ERO1B: variants seen among roughly 807,000 people sequenced by gnomAD.
ERO1B encodes ERO1-like protein beta.
A neutral mutation model predicts 75.3 loss-of-function variants in ERO1B; 49 were observed. The observed-to-expected ratio is 0.65, with a 90% CI of 0.52 to 0.83. ERO1B has a LOEUF of 0.83. ERO1B is among the 40% of genes least tolerant of loss of function. ERO1B has a pLI of 0.00. For missense variants in ERO1B, 512 were observed against 560.1 expected (o/e 0.91, Z 0.87); for synonymous variants, 191 against 192.9 (o/e 0.99, Z 0.08).
chr1:236,278,787 A>T (rs1285530524), intron 1 of ERO1B, among the ~76,000 whole-genome samples: 1 of 152,228 alleles, frequency 6.6e-6, no homozygotes, highest in East Asian at 1.9e-4. Flanking sequence ...ATGGGGCATG[A>T]GATATACAAA....
intron 9 of ERO1B, among the ~76,000 whole-genome samples, chr1:236,231,127 T>C (rs1664398847): frequency 6.6e-6 from 1 of 152,092 alleles, no homozygotes; most frequent in Non-Finnish European, 1.5e-5. Flanking sequence ...CCAATAAAAC[T>C]AAAAATATTT....
rs559698304 is a variant in ERO1B, at chr1:236,256,635, G to C, written c.223-3130C>G. Among the ~76,000 whole-genome samples the C allele has an allele frequency of 1.1e-4, 16 of 152,014 alleles. 1 individual carries two copies. The highest frequency in any genetic ancestry group is 6.5e-4 in the Admixed American group (10 of 15,270). On this transcript the variant is annotated intron_variant, in intron 2 of 15. Transcript: ENST00000354619. ...CAGATCAGAAGTCTCCCCCTGCTAGGGGGGCATGAGACCTGCTGGCCCAAA... is the reference window on the plus strand; with the variant it reads ...CAGATCAGAAGTCTCCCCCTGCTAGCGGGGCATGAGACCTGCTGGCCCAAA...
At chr1:236,225,272 G>C (rs1400013112) in intron 12 of ERO1B, 133 bp from the exon 13 acceptor site, 2 of 808,168 alleles carry the variant, frequency 2.5e-6, no homozygotes, top group Non-Finnish European at 3.9e-6. Flanking sequence ...TTTTGGTAAT[G>C]TAGAAAAGTG....
chr1:236,268,150 AAG>A (rs1159909410), intron 2 of ERO1B, among the ~76,000 whole-genome samples: 3 of 152,236 alleles, frequency 2.0e-5, no homozygotes, highest in Non-Finnish European at 1.5e-5. Context: ...TGGTGCTGAT[AAG>A]AGAGATGTGT....
intron 1 of ERO1B, among the ~76,000 whole-genome samples, chr1:236,278,184 A>C (rs1388533002): frequency 1.3e-5 from 2 of 152,098 alleles, no homozygotes; most frequent in African/African-American, 4.8e-5. Context: ...AGGGCACACA[A>C]ATTTGGGACT....
intron 2 of ERO1B, among the ~76,000 whole-genome samples, chr1:236,260,897 A>C (rs985171244): frequency 6.6e-5 from 10 of 152,090 alleles, no homozygotes; most frequent in Admixed American, 5.9e-4. Flanking sequence ...GATGAAAAAA[A>C]ATGCAAAAAT....
Position 236,215,960 on chromosome 1 carries a change from A to T in ERO1B, c.*2556T>A, listed in dbSNP as rs1409580210. 7.2e-6 allele frequency: 1 copy of T among 138,548 alleles called. No homozygotes were observed. The highest frequency in any genetic ancestry group is 1.5e-5 in the Non-Finnish European group (1 of 66,516). 8.6% of individuals were successfully genotyped at this position (138,548 alleles called of 1,614,324 possible). A position where few individuals can be genotyped will look rare whatever the true frequency, so the allele number is the denominator to read the frequency against. ...ATATCGAATAATTCACAATGTTAAA[A>T]ATGTCAAAATAAAACGTTTTGACTT... On this transcript the variant is annotated 3_prime_UTR_variant, in exon 16 of 16. Transcript: ENST00000354619.
Position 236,258,179 on chromosome 1 carries a change from G to A in ERO1B, c.223-4674C>T, listed in dbSNP as rs190256528. Among the ~76,000 whole-genome samples, 99 of 131,260 alleles carry A rather than the reference G, an allele frequency of 7.5e-4. 1 individual carries two copies. The highest frequency in any genetic ancestry group is 5.4e-3 in the Middle Eastern group (1 of 184). The allele number at this position is 131,260 out of a possible 152,430, so 86.1% of individuals were successfully genotyped here. A position where few individuals can be genotyped will look rare whatever the true frequency, so the allele number is the denominator to read the frequency against. On this transcript the variant is annotated intron_variant, in intron 2 of 15. Transcript: ENST00000354619. ...AAAAAAAAAACCCAGCCAGATCCAG[G>A]AAGTTCAATGAAAACTTGATAGGAG...
intron 9 of ERO1B, among the ~76,000 whole-genome samples, chr1:236,230,611 C>CAAAAAA (rs397983348): frequency 6.8e-5 from 4 of 58,600 alleles, no homozygotes; most frequent in Non-Finnish European, 9.9e-5. Flanking sequence ...GACCCTGTCT[C>CAAAAAA]AAAAAAAAAA....
intron 2 of ERO1B, among the ~76,000 whole-genome samples, chr1:236,265,047 CT>C (rs35846063): frequency 0.45 from 65,780 of 147,116 alleles, 16,482 homozygotes; most frequent in Middle Eastern, 0.6. Flanking sequence ...ATTTTTTTCT[CT>C]TTTTTTTTTT....
intron 15 of ERO1B, among the ~76,000 whole-genome samples, chr1:236,218,905 A>G (rs1187568145): frequency 6.6e-6 from 1 of 152,108 alleles, no homozygotes; most frequent in Non-Finnish European, 1.5e-5. Context: ...TCTTTACTCA[A>G]TGTTCCCCAA....
At chr1:236,235,632 A>G (rs747463753) in intron 8 of ERO1B, among the ~76,000 whole-genome samples, 157 bp downstream of exon 8, 17 of 152,242 alleles carry the variant, frequency 1.1e-4, no homozygotes, top group Non-Finnish European at 2.1e-4. Context: ...ACATGCCTAG[A>G]GATCTCGAGA....
chr1:236,221,737 G>A, intron 14 of ERO1B, 187 bp downstream of exon 14: 1 of 533,076 alleles, frequency 1.9e-6, no homozygotes, highest in South Asian at 2.7e-5. Flanking sequence ...AATAATATGA[G>A]AAACATCCTT....
At chr1:236,225,821 G>C (rs556465524) in intron 12 of ERO1B, among the ~76,000 whole-genome samples, 1 of 152,234 alleles carries the variant, frequency 6.6e-6, no homozygotes, top group South Asian at 2.1e-4. Flanking sequence ...TGTAATCTCA[G>C]TTACTTAGAA....
At chr1:236,222,079 A>G (rs2463188) in intron 13 of ERO1B, 69 bp from the exon 14 acceptor site, 519,007 of 1,164,042 alleles carry the variant, frequency 0.45, 123,300 homozygotes, top group East Asian at 0.88. Context: ...CTAAACGATA[A>G]GTAAGTTTTG....
rs1364038644 is a variant in ERO1B, at chr1:236,239,809, G to GTATATATA, written c.506-3412_506-3411insTATATATA. Among the ~76,000 whole-genome samples the GTATATATA allele has an allele frequency of 1.2e-3, 56 of 47,208 alleles. 3 individuals carry two copies. Among genetic ancestry groups the GTATATATA allele is most frequent in the Non-Finnish European group, 1.7e-3 (24 of 14,482 alleles). The allele number at this position is 47,208 out of a possible 152,430, so 31.0% of individuals were successfully genotyped here. ...TTCAAGTATATATATATATATATGT[G>GTATATATA]TGTATATATATATGTGTATATATAT... is the stretch of plus-strand genomic sequence containing the variant. On this transcript the variant is annotated intron_variant, in intron 6 of 15. Transcript: ENST00000354619.
chr1:236,273,278 T>C (rs1400796907), intron 1 of ERO1B, among the ~76,000 whole-genome samples: 1 of 152,110 alleles, frequency 6.6e-6, no homozygotes, highest in Non-Finnish European at 1.5e-5. Context: ...AAAAGAAGCC[T>C]CCAGAAGGAA....
intron 2 of ERO1B, among the ~76,000 whole-genome samples, chr1:236,268,755 A>C (rs546465918): frequency 6.6e-6 from 1 of 151,006 alleles, no homozygotes; most frequent in Non-Finnish European, 1.5e-5. Flanking sequence ...GCGTGGTGGC[A>C]GGTGCCTGTA....
chr1:236,275,679 T>C (rs1665695035), intron 1 of ERO1B, among the ~76,000 whole-genome samples: 1 of 152,194 alleles, frequency 6.6e-6, no homozygotes, highest in Admixed American at 6.5e-5. Context: ...CCCCCAATCC[T>C]GAGGCTATCT....
Sources: gnomAD v4.1 joint callset for allele counts (sites outside exome capture counted in the v4.1 genomes callset) on GRCh38, gnomAD v4.1.1 for gene constraint, MANE v1.5 for transcripts, NCBI Gene and HGNC (gene_info 2026-07-23, HGNC 2026-07-21) for gene names.